The following CCDC171 variants were observed in gnomAD, a reference collection of about 807,000 sequenced individuals.
CCDC171 encodes the protein coiled-coil domain containing 171, also known as coiled-coil domain-containing protein 171.
CCDC171 carries 177 observed loss-of-function variants against 168.2 expected under a neutral mutation model. The ratio of observed to expected loss-of-function variants is 1.05; its 90% confidence interval spans 0.93 to 1.19. The LOEUF (loss-of-function observed/expected upper bound fraction) is 1.19. CCDC171 is among the 50% of genes most tolerant of loss of function. The pLI, the probability that CCDC171 is intolerant of heterozygous loss-of-function variation, is 0.00. For synonymous variants in CCDC171, 687 were observed against 540.8 expected (o/e 1.27, Z -3.75); for missense variants, 1,991 against 1,539.0 (o/e 1.29, Z -4.91).
At chr9:16,088,658 C>G in the CCDC171 span, among the ~76,000 whole-genome samples, 4 of 151,984 alleles carry the variant, frequency 2.6e-5, no homozygotes, top group Non-Finnish European at 5.9e-5. Context: ...TGACAAGGGA[C>G]GTGAAGGACT....
At chr9:15,836,470 A>G (rs1420884199) in intron 21 of CCDC171, among the ~76,000 whole-genome samples, 1 of 152,028 alleles carries the variant, frequency 6.6e-6, no homozygotes, top group Non-Finnish European at 1.5e-5. Context: ...GGTTCACGCC[A>G]TTCTCCTGCC....
At chr9:15,808,965 C>G (rs1178022629) in intron 21 of CCDC171, among the ~76,000 whole-genome samples, 1 of 152,078 alleles carries the variant, frequency 6.6e-6, no homozygotes. Flanking sequence ...CTTGCTGTGT[C>G]TTCACATGGT....
At chr9:15,812,672 G>A (rs75700928) in intron 21 of CCDC171, among the ~76,000 whole-genome samples, 2,725 of 152,236 alleles carry the variant, frequency 0.018, 97 homozygotes, top group African/African-American at 0.062. Context: ...TAGAGAACAG[G>A]TTCTTCCAGA....
chr9:15,979,202 T>C (rs993337469), intron 3 of CCDC171, among the ~76,000 whole-genome samples: 1 of 152,206 alleles, frequency 6.6e-6, no homozygotes, highest in Non-Finnish European at 1.5e-5. Flanking sequence ...AATTTCTTAG[T>C]ATTTTTCTAT....
chr9:15,652,998 T>C (rs2047643559), intron 7 of CCDC171, among the ~76,000 whole-genome samples: 1 of 152,174 alleles, frequency 6.6e-6, no homozygotes, highest in Non-Finnish European at 1.5e-5. Context: ...GTGGGGAATA[T>C]TTTCTTTGCC....
rs1220990298 is a variant in CCDC171, at chr9:15,730,157, C to A, written c.2049+359C>A. Among the ~76,000 whole-genome samples the A allele has an allele frequency of 4.6e-5, 7 of 151,682 alleles. No homozygotes were observed. The South Asian group carries it at 1.0e-3, about 22-fold the overall frequency. ...AGTTTTAGTGTAGGTATTCCTTTATCTGGTTTACTCCATTTGTGGAGGTTC... is the reference window on the plus strand; with the variant it reads ...AGTTTTAGTGTAGGTATTCCTTTATATGGTTTACTCCATTTGTGGAGGTTC... On this transcript the variant is annotated intron_variant, in intron 16 of 25. Coordinates refer to ENST00000380701, the MANE Select transcript of CCDC171 (RefSeq NM_173550.4).
intron 6 of CCDC171, among the ~76,000 whole-genome samples, chr9:15,618,701 G>A (rs1277200625): frequency 1.3e-5 from 2 of 152,180 alleles, no homozygotes; most frequent in East Asian, 1.9e-4. Flanking sequence ...TGGGAAAAGC[G>A]TAGTACTCAG....
At chr9:16,003,473 A>G (rs1475481134) in intron 3 of CCDC171, among the ~76,000 whole-genome samples, 1 of 152,206 alleles carries the variant, frequency 6.6e-6, no homozygotes, top group Non-Finnish European at 1.5e-5. Flanking sequence ...GAAAGTGTCA[A>G]GAAGAGCCCA....
At position 15,656,878 on chromosome 9, in the gene CCDC171, A is replaced by G. The variant is rs113851961; in HGVS notation, c.823-249A>G. Reference sequence around the variant, plus strand: ...GTGTGTGTGTATAAAAATTTATCAAAAAGTATATTTTCACTATGTGTAGGT... The same window carrying G: ...GTGTGTGTGTATAAAAATTTATCAAGAAGTATATTTTCACTATGTGTAGGT... On this transcript the variant is annotated intron_variant, in intron 7 of 25. Transcript: ENST00000380701. Among the ~76,000 whole-genome samples, 25 of 152,152 alleles carry G rather than the reference A, an allele frequency of 1.6e-4. 3 individuals are homozygous for G. The highest frequency in any genetic ancestry group is 6.0e-4 in the African/African-American group (25 of 41,534).
chr9:15,863,670 C>T (rs959331390), intron 23 of CCDC171, among the ~76,000 whole-genome samples: 1 of 151,976 alleles, frequency 6.6e-6, no homozygotes, highest in African/African-American at 2.4e-5. Context: ...TTTATATGCA[C>T]ATTTAAAATA....
intron 21 of CCDC171, among the ~76,000 whole-genome samples, chr9:15,818,045 C>T (rs1442249460): frequency 1.7e-5 from 2 of 117,488 alleles, no homozygotes; most frequent in Admixed American, 1.6e-4. Flanking sequence ...CTAACATCTG[C>T]TGTTCTGCAG....
At chr9:16,077,031 A>C in the CCDC171 span, among the ~76,000 whole-genome samples, 1 of 152,218 alleles carries the variant, frequency 6.6e-6, no homozygotes, top group African/African-American at 2.4e-5. Context: ...TCAACCAACA[A>C]TAATGCAACA....
intron 22 of CCDC171, among the ~76,000 whole-genome samples, chr9:15,847,101 G>T (rs1160857406): frequency 6.6e-6 from 1 of 152,058 alleles, no homozygotes; most frequent in Non-Finnish European, 1.5e-5. Context: ...CTCTGTTACA[G>T]TGTTACATGT....
At chr9:15,806,268 C>G (rs999008445) in intron 21 of CCDC171, among the ~76,000 whole-genome samples, 7 of 151,288 alleles carry the variant, frequency 4.6e-5, no homozygotes, top group African/African-American at 1.7e-4. Context: ...AGATGTGGTC[C>G]TGTCATAATG....
chr9:15,835,748 A>G (rs1356882216), intron 21 of CCDC171, among the ~76,000 whole-genome samples: 1 of 152,168 alleles, frequency 6.6e-6, no homozygotes, highest in Non-Finnish European at 1.5e-5. Flanking sequence ...TTTTAATTAC[A>G]TAAAGTTTAT....
chr9:15,903,518 C>T (rs201017914), intron 24 of CCDC171, among the ~76,000 whole-genome samples: 34 of 152,214 alleles, frequency 2.2e-4, no homozygotes, highest in African/African-American at 7.7e-4. Flanking sequence ...CACACCAAAA[C>T]CCCATCTGTA....
At chr9:15,963,925 G>T (rs1830571471) in intron 25 of CCDC171, among the ~76,000 whole-genome samples, 1 of 152,204 alleles carries the variant, frequency 6.6e-6, no homozygotes, top group South Asian at 2.1e-4. Context: ...TGGGATGTAA[G>T]TAAAAGTGTA....
chr9:15,888,876 G>C (rs995761739), intron 24 of CCDC171: 4 of 151,264 alleles, frequency 2.6e-5, no homozygotes, highest in Admixed American at 1.3e-4. Flanking sequence ...TTGATTAAAG[G>C]GTGCTATTCC....
intron 1 of CCDC171, among the ~76,000 whole-genome samples, chr9:16,052,561 G>T (rs1833767507): frequency 2.0e-5 from 3 of 152,084 alleles, no homozygotes; most frequent in African/African-American, 7.2e-5. Flanking sequence ...ATATATATTA[G>T]AACTTTCCAG....
Sources: gnomAD v4.1 joint callset for allele counts (sites outside exome capture counted in the v4.1 genomes callset) on GRCh38, gnomAD v4.1.1 for gene constraint, MANE v1.5 for transcripts, NCBI Gene and HGNC (gene_info 2026-07-23, HGNC 2026-07-21) for gene names.